Variants in ZNF16 observed in about 807,000 individuals in gnomAD.
The protein encoded by ZNF16 is zinc finger protein KOX9.
Under a neutral mutation model 9.0 loss-of-function variants are expected in ZNF16, and 7 were observed. The ratio of observed to expected loss-of-function variants is 0.78; its 90% CI spans 0.44 to 1.47. The LOEUF (loss-of-function observed/expected upper bound fraction) is 1.47, where lower values mean the gene tolerates loss of function less well. Among genes scored for constraint, ZNF16 ranks in the 40% most tolerant of loss-of-function variants. The pLI is 0.01. For synonymous variants in ZNF16, 312 were observed against 301.5 expected (o/e 1.03, Z -0.36); for missense variants, 830 against 854.2 (o/e 0.97, Z 0.35).
At chr8:144,934,943 G>C (rs1003233812) in intron 2 of ZNF16, among the ~76,000 whole-genome samples, 2 of 152,172 alleles carry the variant, frequency 1.3e-5, no homozygotes, top group Non-Finnish European at 2.9e-5. Context: ...CTCTGGCTGA[G>C]ATGAGATGTC....
rs75465390 is a variant in ZNF16 at position 144,946,704 on chromosome 8, C to T, written c.-9-489G>A. On this transcript the variant is annotated intron_variant, in intron 1 of 2. Transcript: ENST00000394909. ...TGTGGGCCATACCCTGCTGTGGGCC[C>T]GTGTCCTGCTGTGGGGCCCGTACCC... Among the ~76,000 whole-genome samples, 219 of 89,536 alleles carry T rather than the reference C, an allele frequency of 2.4e-3. 14 individuals are homozygous for T. Among genetic ancestry groups the T allele is most frequent in the Middle Eastern group, 9.4e-3 (1 of 106 alleles). 58.7% of individuals were successfully genotyped at this position (89,536 alleles called of 152,430 possible). A position where few individuals can be genotyped will look rare whatever the true frequency, so the allele number is the denominator to read the frequency against.
intron 2 of ZNF16, among the ~76,000 whole-genome samples, chr8:144,937,138 TCTC>T (rs762546773): frequency 0.13 from 16,993 of 130,448 alleles, 1,349 homozygotes; most frequent in East Asian, 0.27. Flanking sequence ...ACTTTCTTTC[TCTC>T]TCTTTTTTTT....
chr8:144,935,070 A>G (rs1833650394), intron 2 of ZNF16, among the ~76,000 whole-genome samples: 1 of 152,188 alleles, frequency 6.6e-6, no homozygotes, highest in South Asian at 2.1e-4. Context: ...TCTGTACGTG[A>G]GAAGGGTGAG....
chr8:144,931,146 A>G lies in ZNF16; in HGVS notation c.1641T>C (p.Cys547=). 1 of 1,614,186 alleles carries G rather than the reference A, an allele frequency of 6.2e-7. No homozygotes were observed. The highest frequency in any genetic ancestry group is 8.5e-7 in the Non-Finnish European group (1 of 1,180,024). ...RVHTGEKPYE[C]TECGKTFSQS... is the part of the protein sequence containing the mutation. The stretch of plus-strand genomic sequence containing the variant: ...GGCTGAAGGTTTTTCCACATTCAGT[A>G]CATTCATAGGGCTTCTCTCCAGTGT... Residue 547 remains cysteine (C), a synonymous_variant, in exon 3 of 3, where the codon TGT becomes TGC. Transcript: ENST00000394909.
In ZNF16 at chr8:144,931,764, T is replaced by A; in HGVS notation, c.1023A>T (p.Arg341Ser). 6.2e-7 allele frequency: 1 copy of A among 1,614,004 alleles called. No individual in the cohort carries two copies. Residue 341 changes from arginine to serine, a missense_variant, in exon 3 of 3, where the codon AGA (arginine) becomes AGT (serine). Coordinates refer to ENST00000394909, the MANE Select transcript of ZNF16 (RefSeq NM_006958.3). ...RRSSNLIQHQRIHSGEKPYVC... is the reference protein window; with the variant it reads ...RRSSNLIQHQSIHSGEKPYVC... The stretch of plus-strand genomic sequence containing the variant: ...CATACGGTTTCTCCCCAGAATGGAT[T>A]CTTTGATGTTGGATGAGGTTTGAGC...
intron 1 of ZNF16, 117 bp downstream of exon 1, chr8:144,950,680 T>A (rs1586965278): frequency 1.0e-5 from 1 of 95,324 alleles, no homozygotes; most frequent in African/African-American, 4.1e-5. Context: ...CCGCCCGGGG[T>A]CCCCAGCTCG....
At position 144,932,220 on chromosome 8, in the gene ZNF16, ACT is replaced by A; in HGVS notation, c.565_566del (p.Ser189PhefsTer11). ...RPHPYDMGGQ[S>X]FQHSVDLTGH... is the part of the protein sequence containing the mutation. ...CAGTTAGGTCCACACTGTGCTGGAA[ACT>A]CTGGCCACCCATGTCATATGGATGT... is the stretch of plus-strand genomic sequence containing the variant. On this transcript the variant is annotated frameshift_variant, in exon 3 of 3. Transcript: ENST00000394909. LOFTEE classifies it low-confidence loss of function (END_TRUNC). The surrounding 1 kb of genome is among the most constrained non-coding windows in gnomAD (Gnocchi z 5.0). 1 of 1,613,890 alleles carries A rather than the reference ACT, an allele frequency of 6.2e-7. No homozygotes were observed. Among genetic ancestry groups the A allele is most frequent in the Non-Finnish European group, 8.5e-7 (1 of 1,179,958 alleles).
At position 144,932,089 on chromosome 8, in the gene ZNF16, C is replaced by T. The variant is rs369425594; in HGVS notation, c.698G>A (p.Gly233Glu). The part of the protein sequence containing the change: ...DLIQRQIVHT[G>E]EASFMCDDCG... ...ATCATCACACATAAAGGAAGCCTCCCCAGTGTGGACTATTTGACGCTGAAT... is the reference window on the plus strand; with the variant it reads ...ATCATCACACATAAAGGAAGCCTCCTCAGTGTGGACTATTTGACGCTGAAT... Residue 233 changes from glycine to glutamate, a missense_variant, in exon 3 of 3, where the codon GGG becomes GAG. Physicochemically the swap from Gly to Glu is moderately conservative, Grantham distance 98. Transcript: ENST00000394909. This position sits in a 1 kb window ranked among gnomAD's most constrained non-coding sequence, Gnocchi z 5.0. The T allele has an allele frequency of 4.8e-5, 77 of 1,613,996 alleles. No homozygotes were observed. The East Asian group carries it at 1.5e-3, about 31-fold the overall frequency.
In ZNF16 at chr8:144,934,007, C is replaced by T. The variant is rs556399925; in HGVS notation, c.197-1417G>A. The stretch of plus-strand genomic sequence containing the variant: ...GTGTGAAGGATGCCCCTCCAATGCC[C>T]CTCCCACCTTGCGGCGTCCACTCTG... On this transcript the variant is annotated intron_variant, in intron 2 of 2. Coordinates refer to ENST00000394909, the MANE Select transcript of ZNF16 (RefSeq NM_006958.3). Among the ~76,000 whole-genome samples, 22 of 152,288 alleles carry T rather than the reference C, an allele frequency of 1.4e-4. No homozygotes were observed. In the South Asian group the frequency reaches 4.6e-3, roughly 32 times the overall value.
chr8:144,941,080 A>C (rs1311915208), intron 2 of ZNF16, among the ~76,000 whole-genome samples: 2 of 152,188 alleles, frequency 1.3e-5, no homozygotes, highest in Admixed American at 6.5e-5. Flanking sequence ...GTCGTCCATT[A>C]GGTCTAGTTG....
Position 144,933,025 on chromosome 8 carries a change from C to A in ZNF16, c.197-435G>T, listed in dbSNP as rs994981016. ...ACCAGAAAAACGTCTCACACCACTC[C>A]TTACACTGTTACATATTTCACCCTT... On this transcript the variant is annotated intron_variant, in intron 2 of 2. Coordinates refer to ENST00000394909, the MANE Select transcript of ZNF16 (RefSeq NM_006958.3). The surrounding 1 kb of genome is among the most constrained non-coding windows in gnomAD (Gnocchi z 5.6). Among the ~76,000 whole-genome samples the A allele has an allele frequency of 2.6e-5, 4 of 152,116 alleles. No individual in the cohort carries two copies. The highest frequency in any genetic ancestry group is 9.7e-5 in the African/African-American group (4 of 41,346).
intron 2 of ZNF16, chr8:144,944,159 C>T (rs1305433129): frequency 6.6e-6 from 1 of 151,902 alleles, no homozygotes; most frequent in Non-Finnish European, 1.5e-5. Flanking sequence ...CAAGCTCCGC[C>T]TCCTGGGTTC....
At chr8:144,937,226 A>G (rs1833708162) in intron 2 of ZNF16, among the ~76,000 whole-genome samples, 1 of 140,688 alleles carries the variant, frequency 7.1e-6, no homozygotes, top group African/African-American at 2.7e-5. Flanking sequence ...GGCTCACTGC[A>G]ACCTCTGCCT....
intron 2 of ZNF16, among the ~76,000 whole-genome samples, chr8:144,936,174 T>C (rs1586951305): frequency 1.3e-5 from 2 of 152,238 alleles, no homozygotes; most frequent in Non-Finnish European, 2.9e-5. Flanking sequence ...TGGAATTATA[T>C]AGTATGTGAC....
chr8:144,949,834 T>C (rs1459040356), intron 1 of ZNF16, among the ~76,000 whole-genome samples: 1 of 152,160 alleles, frequency 6.6e-6, no homozygotes, highest in African/African-American at 2.4e-5. Context: ...TATGGCCTCA[T>C]GGGATGAGAA....
Position 144,946,067 on chromosome 8 carries a change from G to T in ZNF16, c.140C>A (p.Thr47Asn). The T allele has an allele frequency of 6.2e-7, 1 of 1,613,578 alleles. No individual in the cohort carries two copies. The highest frequency in any genetic ancestry group is 8.5e-7 in the Non-Finnish European group (1 of 1,179,652). Residue 47 changes from threonine (T) to asparagine (N), a missense_variant, in exon 2 of 3, where the codon ACC (threonine) becomes AAC (asparagine). Physicochemically the swap from Thr to Asn is moderately conservative, Grantham distance 65. Coordinates refer to ENST00000394909, the MANE Select transcript of ZNF16 (RefSeq NM_006958.3). ...VTHPGSAACG[T>N]PCCSDTELEA... ...CAGCTCAGTATCACTACAGCAGGGG[G>T]TACCACAGGCTGCAGATCCAGGGTG... is the stretch of plus-strand genomic sequence containing the variant.
chr8:144,949,277 G>T (rs1050001973), intron 1 of ZNF16, among the ~76,000 whole-genome samples: 2 of 152,184 alleles, frequency 1.3e-5, no homozygotes, highest in African/African-American at 4.8e-5. Context: ...CACGCAGAGC[G>T]ACTCCACTAC....
At chr8:144,949,705 C>G (rs1183600184) in intron 1 of ZNF16, among the ~76,000 whole-genome samples, 3 of 152,218 alleles carry the variant, frequency 2.0e-5, no homozygotes, top group Admixed American at 2.0e-4. Context: ...TGGTAAAAGT[C>G]ATCGCCATTC....
At chr8:144,949,749 G>T (rs895373409) in intron 1 of ZNF16, among the ~76,000 whole-genome samples, 27 of 152,330 alleles carry the variant, frequency 1.8e-4, no homozygotes, top group Admixed American at 4.6e-4. Context: ...ACAATGCTCT[G>T]CGATAAGCCA....
Sources: allele counts gnomAD v4.1 joint callset (sites outside exome capture counted in the v4.1 genomes callset), GRCh38; gene constraint gnomAD v4.1.1; non-coding constraint Gnocchi (gnomAD v3.1); transcripts MANE v1.5; gene names NCBI Gene and HGNC (gene_info 2026-07-23, HGNC 2026-07-21).